TRPC5: variants seen among roughly 807,000 people sequenced by gnomAD.
The protein encoded by TRPC5 is transient receptor potential cation channel subfamily C member 5.
A neutral mutation model predicts 56.5 loss-of-function variants in TRPC5; 9 were observed. The observed-to-expected ratio is 0.16, with a 90% CI of 0.10 to 0.28. The LOEUF is 0.28. Ranked by LOEUF, TRPC5 falls within the 10% of genes least tolerant of loss-of-function variation. The pLI is 1.00. For missense variants in TRPC5, 469 were observed against 748.9 expected, an observed-to-expected ratio of 0.63 and a Z score of 4.36; for synonymous variants, 282 against 278.5, an observed-to-expected ratio of 1.01 and a Z score of -0.13.
intron 7 of TRPC5, among the ~76,000 whole-genome samples, chrX:111,807,093 C>G (rs1921538146): frequency 9.0e-6 from 1 of 111,427 alleles, no homozygotes; most frequent in African/African-American, 3.3e-5. Context: ...CCTTCTTGTA[C>G]TTGAATATTA....
chrX:111,934,779 G>A (rs1270737629), intron 2 of TRPC5, among the ~76,000 whole-genome samples: 2 of 111,784 alleles, frequency 1.8e-5, no homozygotes, highest in African/African-American at 6.5e-5. Flanking sequence ...CTCTATCCAG[G>A]TAGTTGCAAG....
chrX:112,061,499 T>C, intron 1 of TRPC5, among the ~76,000 whole-genome samples: 1 of 111,745 alleles, frequency 8.9e-6, no homozygotes, highest in Non-Finnish European at 1.9e-5. Context: ...GGGTGGGGCC[T>C]GAAACAGAGT....
Position 111,769,030 on chromosome X carries a change from AAT to A in TRPC5, c.*7281_*7282del, listed in dbSNP as rs1302147989. Among the ~76,000 whole-genome samples, 3 of 112,109 alleles carry A rather than the reference AAT, an allele frequency of 2.7e-5. No homozygotes were observed. Among genetic ancestry groups the A allele is most frequent in the Non-Finnish European group, 5.6e-5 (3 of 53,146 alleles). The stretch of plus-strand genomic sequence containing the variant: ...TCTTATACAGGAAATACTTAATCTG[AAT>A]ATGTGACTTTCAAATGACCTGAACA... On this transcript the variant is annotated 3_prime_UTR_variant, in exon 11 of 11. Transcript: ENST00000262839.
chrX:111,925,145 A>C (rs777622806), intron 2 of TRPC5, among the ~76,000 whole-genome samples: 1 of 112,543 alleles, frequency 8.9e-6, no homozygotes, highest in Admixed American at 9.4e-5. Context: ...TGGAGTGAAC[A>C]CAGTAGCTTT....
At chrX:112,013,144 GTTAT>G (rs201595579) in intron 1 of TRPC5, among the ~76,000 whole-genome samples, 1,075 of 105,497 alleles carry the variant, frequency 0.01, 14 homozygotes, top group African/African-American at 0.035. Flanking sequence ...TGTTGTTGTT[GTTAT>G]TTATTTATTT....
chrX:112,026,798 G>A (rs1439610142), intron 1 of TRPC5, among the ~76,000 whole-genome samples: 1 of 110,322 alleles, frequency 9.1e-6, no homozygotes, highest in East Asian at 2.8e-4. Flanking sequence ...CTTAATGGCG[G>A]TGATTGTGTA....
intron 9 of TRPC5, among the ~76,000 whole-genome samples, chrX:111,780,175 T>C (rs1400842890): frequency 1.8e-5 from 2 of 111,284 alleles, no homozygotes; most frequent in Admixed American, 9.6e-5. Flanking sequence ...TGAGAGATGG[T>C]TGTCTCTTAT....
At chrX:111,843,519 T>C (rs142038713) in intron 6 of TRPC5, among the ~76,000 whole-genome samples, 5 of 111,256 alleles carry the variant, frequency 4.5e-5, no homozygotes, top group Non-Finnish European at 7.5e-5. Flanking sequence ...TCAGAGGTAA[T>C]GGCATGCGAT....
chrX:111,858,027 G>C (rs1381746678), intron 3 of TRPC5, among the ~76,000 whole-genome samples: 1 of 112,545 alleles, frequency 8.9e-6, no homozygotes, highest in East Asian at 2.8e-4. Context: ...AAGTTGGACA[G>C]GTTTTTATCT....
chrX:111,997,334 T>C (rs965831867), intron 1 of TRPC5, among the ~76,000 whole-genome samples: 2 of 112,094 alleles, frequency 1.8e-5, no homozygotes, highest in East Asian at 5.6e-4. Flanking sequence ...GGCCCCACTC[T>C]CTTCTGGCTT....
intron 1 of TRPC5, among the ~76,000 whole-genome samples, chrX:112,080,779 A>G (rs1048691745): frequency 8.9e-6 from 1 of 111,814 alleles, no homozygotes; most frequent in African/African-American, 3.3e-5. Flanking sequence ...ACATCAAAAA[A>G]CCTATGACAC....
intron 5 of TRPC5, among the ~76,000 whole-genome samples, chrX:111,848,385 C>G (rs927846345): frequency 1.8e-5 from 2 of 112,021 alleles, no homozygotes; most frequent in Middle Eastern, 4.6e-3. Flanking sequence ...CTACCCACTG[C>G]ACATGTTTGT....
chrX:111,851,720 G>A (rs141594065), intron 5 of TRPC5, among the ~76,000 whole-genome samples: 259 of 111,305 alleles, frequency 2.3e-3, no homozygotes, highest in African/African-American at 8.2e-3. Flanking sequence ...ATTATATGAA[G>A]AACAGTTGAG....
chrX:111,956,110 G>A (rs1224956226), intron 1 of TRPC5, among the ~76,000 whole-genome samples: 1 of 112,693 alleles, frequency 8.9e-6, no homozygotes, highest in Non-Finnish European at 1.9e-5. Flanking sequence ...TAAATCGATG[G>A]ACTTGGCAGA....
intron 7 of TRPC5, among the ~76,000 whole-genome samples, chrX:111,787,384 A>G (rs1945976069): frequency 9.0e-6 from 1 of 111,649 alleles, no homozygotes; most frequent in African/African-American, 3.3e-5. Flanking sequence ...ATGTACCAGA[A>G]TCTCTGGGAC....
In TRPC5 at chrX:111,837,844, G is replaced by A. The variant is rs747107962; in HGVS notation, c.1701-2728C>T. On this transcript the variant is annotated intron_variant, in intron 6 of 10. Transcript: ENST00000262839. Reference sequence around the variant, plus strand: ...CCCAGAGCTTTGGGAGGCAATATTGGAAGGATTACTTGAACCCACGAGTTT... The same window carrying A: ...CCCAGAGCTTTGGGAGGCAATATTGAAAGGATTACTTGAACCCACGAGTTT... Among the ~76,000 whole-genome samples, 215 of 104,250 alleles carry A rather than the reference G, an allele frequency of 2.1e-3. 1 individual carries two copies. Among genetic ancestry groups the A allele is most frequent in the Non-Finnish European group, 3.4e-3 (176 of 51,562 alleles). The allele number at this position is 104,250 out of a possible 115,157, so 90.5% of individuals were successfully genotyped here. A position where few individuals can be genotyped will look rare whatever the true frequency, so the allele number is the denominator to read the frequency against.
At chrX:111,805,823 C>T (rs1430511730) in intron 7 of TRPC5, among the ~76,000 whole-genome samples, 1 of 110,651 alleles carries the variant, frequency 9.0e-6, no homozygotes. Flanking sequence ...CAGGCGCATA[C>T]CACCACACCT....
intron 1 of TRPC5, among the ~76,000 whole-genome samples, chrX:111,992,223 A>G (rs1209370844): frequency 8.9e-6 from 1 of 112,443 alleles, no homozygotes; most frequent in Non-Finnish European, 1.9e-5. Flanking sequence ...AGGGCTTACA[A>G]AAGCATGGAA....
intron 1 of TRPC5, among the ~76,000 whole-genome samples, chrX:111,978,785 C>T (rs775888641): frequency 9.0e-6 from 1 of 110,647 alleles, no homozygotes; most frequent in African/African-American, 3.3e-5. Context: ...TAAAGGTTAC[C>T]ATTAATTAGT....
Sources: allele counts gnomAD v4.1 joint callset (sites outside exome capture counted in the v4.1 genomes callset), GRCh38; gene constraint gnomAD v4.1.1; transcripts MANE v1.5; gene names NCBI Gene and HGNC (gene_info 2026-07-23, HGNC 2026-07-21).